ZNF653: variants seen among roughly 807,000 people sequenced by gnomAD.
ZNF653 encodes 67 kDa zinc finger protein.
In ZNF653, 37 loss-of-function variants were observed where a neutral mutation model predicts 59.9. The observed-to-expected ratio is 0.62, with a 90% confidence interval of 0.48 to 0.81. ZNF653 has a LOEUF of 0.81. ZNF653 is among the 40% of genes least tolerant of loss of function. The pLI is 0.00. For synonymous variants in ZNF653, 435 were observed against 371.8 expected, an observed-to-expected ratio of 1.17 and a Z score of -1.96; for missense variants, 808 against 881.1, an observed-to-expected ratio of 0.92 and a Z score of 1.05.
chr19:11,504,616 A>G (rs1971687148), intron 1 of ZNF653: 1 of 966,320 alleles, frequency 1.0e-6, no homozygotes, highest in Admixed American at 6.2e-5. Context: ...GACTCTCAGA[A>G]TCTCCCCCCA....
At position 11,496,118 on chromosome 19, in the gene ZNF653, C is replaced by T. The variant is rs377597181; in HGVS notation, c.391G>A (p.Glu131Lys). 3.1e-6 allele frequency: 5 copies of T among 1,614,034 alleles called. No individual in the cohort carries two copies. The highest frequency in any genetic ancestry group is 1.7e-5 in the Admixed American group (1 of 60,016). The change falls in exon 3 of 9, where the codon GAG becomes AAG. Residue 131 changes from glutamate to lysine, a missense_variant. Glu to Lys is a moderately conservative substitution (Grantham distance 56). Coordinates refer to ENST00000293771, the MANE Select transcript of ZNF653 (RefSeq NM_138783.4). ...TACGGGCAGCGGTGCTTGTGGTCCT[C>T]GTACCAGATCACCACGTTCTTCAGG... ...NCLKNVVIWY[E>K]DHKHRCPYEP... is the part of the protein sequence containing the mutation.
chr19:11,486,368 G>A (rs763863232), intron 6 of ZNF653, among the ~76,000 whole-genome samples: 1 of 152,218 alleles, frequency 6.6e-6, no homozygotes, highest in South Asian at 2.1e-4. Flanking sequence ...GGAAACTGAG[G>A]TTCAAGGCTC....
In ZNF653 at chr19:11,487,704, G is replaced by A; in HGVS notation, c.759C>T (p.Ser253=). The change falls in exon 4 of 9, where the codon AGC becomes AGT. Residue 253 remains serine (S), a synonymous_variant. Coordinates refer to ENST00000293771, the MANE Select transcript of ZNF653 (RefSeq NM_138783.4). The surrounding 1 kb of genome is among the most constrained non-coding windows in gnomAD (Gnocchi z 5.1). ...ACAGCGGGGTACCCTGCTCGGCCAG[G>A]CTTTCCACGTGGTGGACGTCAAAGG... ...HIPFDVHHVE[S]LAEQGTPLCS... 1 of 1,613,786 alleles carries A rather than the reference G, an allele frequency of 6.2e-7. No individual in the cohort carries two copies.
At position 11,487,978 on chromosome 19, in the gene ZNF653, T is replaced by TTTTATTTTATTTA. The variant is rs1555736350; in HGVS notation, c.560-76_560-75insTAAATAAAATAAA. 1.7e-5 allele frequency: 19 copies of TTTTATTTTATTTA among 1,134,810 alleles called. No individual in the cohort carries two copies. The highest frequency in any genetic ancestry group is 1.0e-4 in the African/African-American group (5 of 49,926). 70.3% of individuals were successfully genotyped at this position (1,134,810 alleles called of 1,614,324 possible). On this transcript the variant is annotated intron_variant, in intron 3 of 8. Transcript: ENST00000293771. The surrounding 1 kb of genome is among the most constrained non-coding windows in gnomAD (Gnocchi z 5.1). ...ATTTGTTTATTTAGTTTTTATTTTA[T>TTTTATTTTATTTA]TTTATTTATTTATTTATTTATTTTT...
At chr19:11,484,192 T>C (rs1971440657) in intron 7 of ZNF653, 51 bp from the exon 8 acceptor site, 2 of 1,380,508 alleles carry the variant, frequency 1.4e-6, no homozygotes, top group Admixed American at 2.0e-5. Flanking sequence ...GGGGTGTCTC[T>C]GATGTGCTGC....
intron 3 of ZNF653, among the ~76,000 whole-genome samples, chr19:11,492,840 G>A (rs1971543309): frequency 6.6e-6 from 1 of 152,094 alleles, no homozygotes; most frequent in East Asian, 1.9e-4. Flanking sequence ...CTGCCTCCCG[G>A]GTTCAAGTGA....
At chr19:11,491,345 A>G (rs765007944) in intron 3 of ZNF653, among the ~76,000 whole-genome samples, 4 of 152,120 alleles carry the variant, frequency 2.6e-5, no homozygotes, top group Non-Finnish European at 4.4e-5. Flanking sequence ...CAGGACCCAC[A>G]AGGAGGCTGG....
chr19:11,492,134 C>T (rs962919904), intron 3 of ZNF653, among the ~76,000 whole-genome samples: 2 of 152,064 alleles, frequency 1.3e-5, no homozygotes, highest in Non-Finnish European at 1.5e-5. Flanking sequence ...GCAACCTCCA[C>T]CTTCCAAGTT....
At chr19:11,496,292 C>T in intron 2 of ZNF653, 127 bp from the exon 3 acceptor site, 1 of 879,236 alleles carries the variant, frequency 1.1e-6, no homozygotes. Flanking sequence ...CCATCCAGGC[C>T]TGTACCCAGT....
At chr19:11,486,620 C>A (rs1335363002) in intron 6 of ZNF653, 149 bp downstream of exon 6, 6 of 655,410 alleles carry the variant, frequency 9.2e-6, no homozygotes, top group African/African-American at 5.5e-5. Flanking sequence ...TCCTCCCATG[C>A]CAGGTCCTGG....
intron 3 of ZNF653, among the ~76,000 whole-genome samples, chr19:11,493,874 C>T (rs1313795959): frequency 6.6e-6 from 1 of 151,820 alleles, no homozygotes; most frequent in East Asian, 1.9e-4. Flanking sequence ...TAAAAATCAG[C>T]TGGCTGTGGT....
At chr19:11,485,898 C>G in intron 6 of ZNF653, 128 bp from the exon 7 acceptor site, 1 of 694,314 alleles carries the variant, frequency 1.4e-6, no homozygotes, top group East Asian at 2.5e-5. Flanking sequence ...AGAGGGGTAC[C>G]CTTGCCCAGC....
chr19:11,489,080 A>G (rs986338102), intron 3 of ZNF653, among the ~76,000 whole-genome samples: 3 of 151,298 alleles, frequency 2.0e-5, no homozygotes, highest in African/African-American at 7.3e-5. Flanking sequence ...GTGTGTTTTT[A>G]GTAGAGATGA....
chr19:11,504,205 T>G (rs1971679430), intron 1 of ZNF653, among the ~76,000 whole-genome samples: 1 of 152,002 alleles, frequency 6.6e-6, no homozygotes, highest in South Asian at 2.1e-4. Context: ...ATCGAGGCCA[T>G]CCTGGCTAAC....
chr19:11,483,513 G>A lies in ZNF653; in HGVS notation c.*169C>T. 1.4e-6 allele frequency: 2 copies of A among 1,401,886 alleles called. No individual in the cohort carries two copies. Among genetic ancestry groups the A allele is most frequent in the Non-Finnish European group, 9.3e-7 (1 of 1,078,382 alleles). 86.8% of individuals were successfully genotyped at this position (1,401,886 alleles called of 1,614,324 possible). On this transcript the variant is annotated 3_prime_UTR_variant, in exon 9 of 9. Transcript: ENST00000293771. ...CAGGCACCAGCTCCGAGAAGGATGCGGTGGGGCGGGGTGGGGAACCTGCCC... is the reference window on the plus strand; with the variant it reads ...CAGGCACCAGCTCCGAGAAGGATGCAGTGGGGCGGGGTGGGGAACCTGCCC...
intron 3 of ZNF653, among the ~76,000 whole-genome samples, chr19:11,491,327 C>T (rs991870742): frequency 6.6e-6 from 1 of 152,166 alleles, no homozygotes; most frequent in African/African-American, 2.4e-5. Context: ...TTCTCCCCAC[C>T]AGTAAGCCAG....
chr19:11,485,094 C>G (rs1290123255), intron 7 of ZNF653, among the ~76,000 whole-genome samples: 1 of 151,956 alleles, frequency 6.6e-6, no homozygotes, highest in Non-Finnish European at 1.5e-5. Flanking sequence ...AAAAAAACCC[C>G]CAAACTTCTG....
intron 5 of ZNF653, 50 bp downstream of exon 5, chr19:11,486,937 G>A: frequency 1.2e-6 from 2 of 1,610,918 alleles, no homozygotes; most frequent in Middle Eastern, 1.7e-4. Flanking sequence ...CTGGGGGCCT[G>A]CGGGCCGCTT....
Position 11,505,715 on chromosome 19 carries a change from G to A in ZNF653, c.72C>T (p.Ala24=), listed in dbSNP as rs1159413274. ...AEAGAGGEAA[A]EEGAAGRKAR... The stretch of plus-strand genomic sequence containing the variant: ...CCTTTCGGCCCGCTGCGCCCTCCTC[G>A]GCTGCTGCCTCCCCGCCCGCGCCCG... The change falls in exon 1 of 9, where the codon GCC becomes GCT. Residue 24 remains alanine (A), a synonymous_variant. Coordinates refer to ENST00000293771, the MANE Select transcript of ZNF653 (RefSeq NM_138783.4). The A allele has an allele frequency of 1.4e-5, 21 of 1,476,316 alleles. No homozygotes were observed. The highest frequency in any genetic ancestry group is 1.9e-5 in the Non-Finnish European group (21 of 1,123,182). 91.5% of individuals were successfully genotyped at this position (1,476,316 alleles called of 1,614,324 possible). A position where few individuals can be genotyped will look rare whatever the true frequency, so the allele number is the denominator to read the frequency against.
Sources: allele counts gnomAD v4.1 joint callset (sites outside exome capture counted in the v4.1 genomes callset), GRCh38; gene constraint gnomAD v4.1.1; non-coding constraint Gnocchi (gnomAD v3.1); transcripts MANE v1.5; gene names NCBI Gene and HGNC (gene_info 2026-07-23, HGNC 2026-07-21).